The following CCNH variants were observed in gnomAD, a reference collection of about 807,000 sequenced individuals.
The protein encoded by CCNH is cyclin H, also known as cyclin-H.
Under a neutral mutation model 41.9 loss-of-function variants are expected in CCNH, and 31 were observed. That is an observed-to-expected ratio of 0.74 (90% CI 0.56 to 1.00). The LOEUF (loss-of-function observed/expected upper bound fraction) is 1.00. CCNH is among the 50% of genes least tolerant of loss of function. The pLI is 0.00. For missense variants in CCNH, 362 were observed against 388.4 expected (o/e 0.93, Z 0.57); for synonymous variants, 138 against 136.1 (o/e 1.01, Z -0.10).
At chr5:87,344,088 A>C (rs1758672322) in intron 9 of CCNH, among the ~76,000 whole-genome samples, 1 of 152,140 alleles carries the variant, frequency 6.6e-6, no homozygotes, top group South Asian at 2.1e-4. Flanking sequence ...GGAAGGGGGG[A>C]TACAATATGG....
downstream of CCNH, among the ~76,000 whole-genome samples, chr5:87,315,707 TTA>T (rs1756277668): frequency 2.0e-5 from 3 of 151,738 alleles, no homozygotes; most frequent in Admixed American, 6.6e-5. Context: ...CAAGATTATT[TTA>T]TGTGCTATTA....
At chr5:87,394,154 TA>T (rs898862560), downstream of CCNH, 2 of 758,318 alleles carry the variant, frequency 2.6e-6, no homozygotes, top group African/African-American at 1.9e-5. Context: ...GTGCCTTTTT[TA>T]AAAAAAGCAT....
chr5:87,391,174 C>T (rs1762488262), downstream of CCNH: 5 of 516,404 alleles, frequency 9.7e-6, no homozygotes, highest in Non-Finnish European at 1.7e-5. Context: ...ATGACTGTAT[C>T]TTGATATCTC....
chr5:87,374,221 C>T (rs1474653512), downstream of CCNH: 2 of 1,584,564 alleles, frequency 1.3e-6, no homozygotes, highest in East Asian at 2.3e-5. Context: ...AAACATTTTA[C>T]TAATCCATAT....
At chr5:87,349,158 C>T (rs1759077638) in intron 9 of CCNH, 25 of 1,579,324 alleles carry the variant, frequency 1.6e-5, no homozygotes, top group Non-Finnish European at 2.2e-5. Context: ...TACTACTTAA[C>T]ATCTTTTCTT....
chr5:87,353,747 A>G (rs188476476), intron 9 of CCNH, among the ~76,000 whole-genome samples: 27 of 152,186 alleles, frequency 1.8e-4, no homozygotes, highest in Admixed American at 5.9e-4. Context: ...GGTGGTGGCA[A>G]TGTCTTACAG....
upstream of CCNH, among the ~76,000 whole-genome samples, chr5:87,378,812 A>G (rs1761503100): frequency 6.6e-6 from 1 of 152,164 alleles, no homozygotes; most frequent in African/African-American, 2.4e-5. Context: ...TAATCTATAT[A>G]CTACTTACAG....
intron 9 of CCNH, chr5:87,353,008 T>C (rs1580334263): frequency 4.7e-6 from 3 of 633,716 alleles, no homozygotes; most frequent in East Asian, 2.8e-5. Context: ...ATGAATGTTA[T>C]GATCATTTAT....
At chr5:87,372,109 T>C (rs201135212), downstream of CCNH, 2 of 1,612,604 alleles carry the variant, frequency 1.2e-6, no homozygotes, top group African/African-American at 2.7e-5. Context: ...GTGCTGTTTT[T>C]CTTTGCAGGA....
chr5:87,332,876 G>A (rs571555278), intron 9 of CCNH, among the ~76,000 whole-genome samples: 287 of 152,124 alleles, frequency 1.9e-3, no homozygotes, highest in African/African-American at 6.5e-3. Context: ...ACTGTATGGT[G>A]ATAGCCTAAC....
chr5:87,394,391 G>T lies in CCNH; in HGVS notation c.*55C>A. On this transcript the variant is annotated 3_prime_UTR_variant, in exon 9 of 9. Transcript: ENST00000256897. ...ACTTTTTAAATAAAGTTAAACGTTT[G>T]ATATGCTTCCTACTTCTCTTGATTA... The T allele has an allele frequency of 6.3e-7, 1 of 1,581,066 alleles. No individual in the cohort carries two copies. The highest frequency in any genetic ancestry group is 1.2e-5 in the South Asian group (1 of 85,490).
downstream of CCNH, among the ~76,000 whole-genome samples, chr5:87,390,436 C>A (rs1472045355): frequency 6.6e-6 from 1 of 151,804 alleles, no homozygotes; most frequent in Non-Finnish European, 1.5e-5. Context: ...CCCCTCCCCC[C>A]GCAGCTTTCA....
At chr5:87,333,382 G>T in intron 9 of CCNH, 2 of 1,605,070 alleles carry the variant, frequency 1.2e-6, no homozygotes, top group South Asian at 2.2e-5. Flanking sequence ...GAAAGAGCTA[G>T]ACTTCGAAGA....
intron 9 of CCNH, chr5:87,331,326 A>G: frequency 1.9e-6 from 3 of 1,578,570 alleles, no homozygotes; most frequent in Non-Finnish European, 2.6e-6. Flanking sequence ...ATATTGTAAT[A>G]TCTTCTCTGT....
intron 9 of CCNH, chr5:87,331,381 A>C: frequency 6.2e-7 from 1 of 1,612,654 alleles, no homozygotes; most frequent in Non-Finnish European, 8.5e-7. Context: ...GAACGATAGC[A>C]GAAGAACGCC....
At chr5:87,389,445 G>A (rs776455532), downstream of CCNH, 1 of 1,614,162 alleles carries the variant, frequency 6.2e-7, no homozygotes, top group Non-Finnish European at 8.5e-7. Context: ...GACCTGTCCC[G>A]TGATTTAGCA....
downstream of CCNH, chr5:87,318,311 A>G (rs977093553): frequency 1.3e-5 from 2 of 152,372 alleles, no homozygotes; most frequent in South Asian, 2.1e-4. Flanking sequence ...CATGTAAAAA[A>G]GTACAATGAG....
chr5:87,383,838 T>A, intron 9 of CCNH: 1 of 1,360,716 alleles, frequency 7.3e-7, no homozygotes, highest in East Asian at 2.3e-5. Context: ...AGTTTCATAC[T>A]ATTTAAGAAT....
chr5:87,351,825 G>A (rs1414012173), intron 9 of CCNH, among the ~76,000 whole-genome samples: 1 of 151,744 alleles, frequency 6.6e-6, no homozygotes, highest in Non-Finnish European at 1.5e-5. Flanking sequence ...AATCTGAACT[G>A]TACTTCCCCA....
Sources: allele counts gnomAD v4.1 joint callset (sites outside exome capture counted in the v4.1 genomes callset), GRCh38; gene constraint gnomAD v4.1.1; transcripts MANE v1.5; gene names NCBI Gene and HGNC (gene_info 2026-07-23, HGNC 2026-07-21).